The following BRMS1L variants were observed in gnomAD, a reference collection of about 807,000 sequenced individuals.
BRMS1L encodes BRMS1 like transcriptional repressor.
Under a neutral mutation model 50.3 loss-of-function variants are expected in BRMS1L, and 23 were observed. The observed-to-expected ratio is 0.46, with a 90% CI of 0.33 to 0.65. The LOEUF (loss-of-function observed/expected upper bound fraction) is 0.65. Ranked by LOEUF, BRMS1L falls within the 30% of genes least tolerant of loss-of-function variation. The pLI is 0.02. For missense variants in BRMS1L, 286 were observed against 386.1 expected, an observed-to-expected ratio of 0.74 and a Z score of 2.17; for synonymous variants, 114 against 126.9, an observed-to-expected ratio of 0.90 and a Z score of 0.69.
chr14:35,833,041 A>G lies in BRMS1L; in HGVS notation c.297A>G (p.Ala99=). 1 of 1,613,684 alleles carries G rather than the reference A, an allele frequency of 6.2e-7. No homozygotes were observed. The highest frequency in any genetic ancestry group is 8.5e-7 in the Non-Finnish European group (1 of 1,179,712). The change falls in exon 3 of 10, where the codon GCA becomes GCG. Residue 99 remains alanine (A), a synonymous_variant. Transcript: ENST00000216807. ...TACAAGAAGTCATAGCTGGAAAAGC[A>G]CCAGAATACTTGGAACCGCTGGCAA... The part of the protein sequence containing the change: ...AKLQEVIAGK[A]PEYLEPLATL...
intron 4 of BRMS1L, among the ~76,000 whole-genome samples, chr14:35,856,675 G>C (rs576321250): frequency 6.6e-6 from 1 of 151,818 alleles, no homozygotes; most frequent in Non-Finnish European, 1.5e-5. Context: ...GTAGTGGCGC[G>C]ATCTTAGCTC....
chr14:35,853,179 C>T (rs932270560), intron 4 of BRMS1L, among the ~76,000 whole-genome samples: 12 of 152,010 alleles, frequency 7.9e-5, no homozygotes, highest in Admixed American at 2.0e-4. Context: ...ATAATTAAAA[C>T]GGCCACCTTA....
chr14:35,863,781 T>C, intron 5 of BRMS1L, 89 bp from the exon 6 acceptor site: 2 of 1,189,024 alleles, frequency 1.7e-6, no homozygotes, highest in South Asian at 2.7e-5. Context: ...TTTTTACATG[T>C]AACTAAATAG....
chr14:35,844,643 C>T (rs2078110223), intron 4 of BRMS1L, among the ~76,000 whole-genome samples: 1 of 152,154 alleles, frequency 6.6e-6, no homozygotes, highest in Admixed American at 6.5e-5. Flanking sequence ...GCCATCTTGC[C>T]AGCCACTGCC....
chr14:35,862,740 C>T lies in BRMS1L; in HGVS notation c.538+54C>T. ...TGAGTGGCACCAGACCTTTGGTTTA[C>T]TGTAGTGTCATATCGTATCTCAGTC... On this transcript the variant is annotated intron_variant, in intron 5 of 9. Coordinates refer to ENST00000216807, the MANE Select transcript of BRMS1L (RefSeq NM_032352.4). 2.4e-6 allele frequency: 3 copies of T among 1,239,104 alleles called. No homozygotes were observed. The East Asian group carries it at 7.2e-5, about 30-fold the overall frequency. The allele number at this position is 1,239,104 out of a possible 1,614,324, so 76.8% of individuals were successfully genotyped here. A position where few individuals can be genotyped will look rare whatever the true frequency, so the allele number is the denominator to read the frequency against.
intron 4 of BRMS1L, among the ~76,000 whole-genome samples, chr14:35,842,801 C>T (rs1286580825): frequency 6.6e-6 from 1 of 152,224 alleles, no homozygotes; most frequent in Non-Finnish European, 1.5e-5. Context: ...CTCCCTGTCA[C>T]TTTCAGGTAT....
Position 35,836,635 on chromosome 14 carries a change from G to A in BRMS1L, c.441+1712G>A, listed in dbSNP as rs759404909. The stretch of plus-strand genomic sequence containing the variant: ...GAGATTACAGGTGTGAGCCAAGGAT[G>A]TGCTTTTTGTGTCTTCCTATTTTGA... On this transcript the variant is annotated intron_variant, in intron 4 of 9. Transcript: ENST00000216807. 1.1e-4 allele frequency among the ~76,000 whole-genome samples: 16 copies of A among 152,284 alleles called. No homozygotes were observed. The East Asian group carries it at 2.7e-3, about 26-fold the overall frequency.
intron 1 of BRMS1L, among the ~76,000 whole-genome samples, chr14:35,830,336 TG>T (rs1182560974): frequency 6.6e-6 from 1 of 152,226 alleles, no homozygotes; most frequent in African/African-American, 2.4e-5. Context: ...CCCAAAGTGC[TG>T]GGATTACAGG....
At chr14:35,826,853 CG>C in intron 1 of BRMS1L, 195 bp downstream of exon 1, 1 of 728,290 alleles carries the variant, frequency 1.4e-6, no homozygotes, top group Non-Finnish European at 2.1e-6. Flanking sequence ...GTCCCGGCGG[CG>C]GGGCGGGGCG....
At chr14:35,840,453 C>A (rs539522578) in intron 4 of BRMS1L, among the ~76,000 whole-genome samples, 19 of 152,210 alleles carry the variant, frequency 1.2e-4, no homozygotes, top group Middle Eastern at 3.4e-3. Context: ...GCTACCAGCT[C>A]CTCTTTGTAC....
At chr14:35,841,624 A>T (rs368317559) in intron 4 of BRMS1L, among the ~76,000 whole-genome samples, 1 of 152,142 alleles carries the variant, frequency 6.6e-6, no homozygotes, top group Non-Finnish European at 1.5e-5. Context: ...AATAAGTATG[A>T]TGTAGTGCTG....
At chr14:35,831,631 C>T (rs2077920458) in intron 2 of BRMS1L, 131 bp downstream of exon 2, 1 of 662,058 alleles carries the variant, frequency 1.5e-6, no homozygotes, top group East Asian at 2.7e-5. Flanking sequence ...AAAGAGGCTT[C>T]AACTATTGTT....
intron 4 of BRMS1L, among the ~76,000 whole-genome samples, chr14:35,844,649 C>T (rs1249036796): frequency 6.6e-6 from 1 of 152,214 alleles, no homozygotes; most frequent in Non-Finnish European, 1.5e-5. Context: ...TTGCCAGCCA[C>T]TGCCAAAAAA....
intron 4 of BRMS1L, among the ~76,000 whole-genome samples, chr14:35,850,338 G>A (rs1036254335): frequency 3.3e-5 from 5 of 151,792 alleles, no homozygotes; most frequent in Non-Finnish European, 5.9e-5. Flanking sequence ...CTCCTGAGTA[G>A]CTGGGATTAC....
chr14:35,830,781 G>C (rs2077909007), intron 1 of BRMS1L, among the ~76,000 whole-genome samples: 1 of 152,188 alleles, frequency 6.6e-6, no homozygotes. Context: ...CTACATTCTG[G>C]TGAGTTGGTG....
At chr14:35,831,734 A>G (rs1461063155) in intron 2 of BRMS1L, among the ~76,000 whole-genome samples, 1 of 152,192 alleles carries the variant, frequency 6.6e-6, no homozygotes, top group Non-Finnish European at 1.5e-5. Context: ...AGCCTGGGCA[A>G]CATCGGAAGA....
chr14:35,835,050 AT>A, intron 4 of BRMS1L, 127 bp downstream of exon 4: 9 of 467,758 alleles, frequency 1.9e-5, no homozygotes, highest in Admixed American at 9.4e-5. Flanking sequence ...TTTGTGTGTG[AT>A]TAAAAAAAAA....
At chr14:35,856,102 C>G (rs1432837145) in intron 4 of BRMS1L, among the ~76,000 whole-genome samples, 1 of 152,170 alleles carries the variant, frequency 6.6e-6, no homozygotes, top group Non-Finnish European at 1.5e-5. Flanking sequence ...AAGGAAGATA[C>G]CCTGCCAATT....
Position 35,870,341 on chromosome 14 carries a change from C to CTT in BRMS1L, c.855-10_855-9dup. 1.0e-5 allele frequency: 13 copies of CTT among 1,277,722 alleles called. No homozygotes were observed. Among genetic ancestry groups the CTT allele is most frequent in the South Asian group, 2.7e-5 (2 of 72,742 alleles). 79.1% of individuals were successfully genotyped at this position (1,277,722 alleles called of 1,614,324 possible). On this transcript the variant is annotated intron_variant, in intron 9 of 9. Coordinates refer to ENST00000216807, the MANE Select transcript of BRMS1L (RefSeq NM_032352.4). ...AGACATTGTAATTCATTCATTCATT[C>CTT]TTTTTTTTTTCTTTTTAGTGCTGTA... is the stretch of plus-strand genomic sequence containing the variant.
Sources: gnomAD v4.1 joint callset for allele counts (sites outside exome capture counted in the v4.1 genomes callset) on GRCh38, gnomAD v4.1.1 for gene constraint, MANE v1.5 for transcripts, NCBI Gene and HGNC (gene_info 2026-07-23, HGNC 2026-07-21) for gene names.